The following TULP4 variants were observed in gnomAD, a reference collection of about 807,000 sequenced individuals.
TULP4 encodes tubby-related protein 4.
A neutral mutation model predicts 129.0 loss-of-function variants in TULP4; 16 were observed. That is an observed-to-expected ratio of 0.12 (90% CI 0.08 to 0.19). The LOEUF (loss-of-function observed/expected upper bound fraction) is 0.19, where lower values mean the gene tolerates loss of function less well. Among genes scored for constraint, TULP4 ranks in the 10% least tolerant of loss-of-function variants. The probability of loss-of-function intolerance (pLI) is 1.00; values close to 1 mark genes in which losing one functional copy is unlikely to be tolerated. For missense variants in TULP4, 1,842 were observed against 2,059.1 expected (o/e 0.89, Z 2.04); for synonymous variants, 998 against 854.0 (o/e 1.17, Z -2.94).
intron 10 of TULP4, among the ~76,000 whole-genome samples, chr6:158,494,124 A>G (rs1042688700): frequency 6.6e-6 from 1 of 152,134 alleles, no homozygotes; most frequent in African/African-American, 2.4e-5. Flanking sequence ...CCATGCTTCC[A>G]GATGGAACTC....
At chr6:158,290,089 A>G (rs557743247) in intron 1 of TULP4, among the ~76,000 whole-genome samples, 1 of 151,294 alleles carries the variant, frequency 6.6e-6, no homozygotes, top group East Asian at 2.0e-4. Flanking sequence ...GGCGCATGCC[A>G]CCATGCTGGC....
chr6:158,373,221 T>C lies in TULP4; in HGVS notation c.253-39844T>C, dbSNP rs563441181. Among the ~76,000 whole-genome samples the C allele has an allele frequency of 5.3e-5, 8 of 152,346 alleles. No individual in the cohort carries two copies. In the South Asian group the frequency reaches 8.3e-4, roughly 16 times the overall value. ...AGCTTATGCCCATGTAGCTCTTACA[T>C]GGCTACGTTCTAGGCACTTTACCTG... is the stretch of plus-strand genomic sequence containing the variant. On this transcript the variant is annotated intron_variant, in intron 1 of 13. Coordinates refer to ENST00000367097, the MANE Select transcript of TULP4 (RefSeq NM_020245.5).
chr6:158,294,385 A>G (rs1277930606), intron 1 of TULP4, among the ~76,000 whole-genome samples: 1 of 151,622 alleles, frequency 6.6e-6, no homozygotes, highest in African/African-American at 2.4e-5. Context: ...AAAAAAAAAA[A>G]TAAATAAAGC....
chr6:158,367,217 G>A (rs919992955), intron 1 of TULP4, among the ~76,000 whole-genome samples: 4 of 152,158 alleles, frequency 2.6e-5, no homozygotes, highest in African/African-American at 9.7e-5. Flanking sequence ...AGCTTCTTGG[G>A]CACTGAGGAC....
At chr6:158,456,485 A>G (rs1400041100) in intron 5 of TULP4, among the ~76,000 whole-genome samples, 1 of 118,668 alleles carries the variant, frequency 8.4e-6, no homozygotes, top group Non-Finnish European at 1.7e-5. Flanking sequence ...AGTGTGGCCC[A>G]AGGAAGCCAA....
chr6:158,353,027 A>G (rs1013331941), intron 1 of TULP4, among the ~76,000 whole-genome samples: 2 of 152,240 alleles, frequency 1.3e-5, no homozygotes, highest in African/African-American at 2.4e-5. Flanking sequence ...GCAAGCCTGC[A>G]GAGAGCAGGC....
Position 158,486,738 on chromosome 6 carries a change from T to C in TULP4, c.1487-2850T>C, listed in dbSNP as rs527705297. Among the ~76,000 whole-genome samples, 8 of 152,290 alleles carry C rather than the reference T, an allele frequency of 5.3e-5. No homozygotes were observed. In the East Asian group the frequency reaches 1.5e-3, roughly 29 times the overall value. ...GCCACCCAAGTCTGTGGTATTTTGT[T>C]ATCGTAGCCTGAGCAGATTTAGAGT... On this transcript the variant is annotated intron_variant, in intron 8 of 13. Transcript: ENST00000367097.
upstream of TULP4, among the ~76,000 whole-genome samples, chr6:158,278,941 GTTTT>G (rs35915892): frequency 1.5e-4 from 18 of 123,386 alleles, no homozygotes; most frequent in East Asian, 8.8e-4. Context: ...GTTTTTTTTT[GTTTT>G]TTTTTTTTTT....
chr6:158,309,013 C>T (rs1160165579), upstream of TULP4, among the ~76,000 whole-genome samples: 6 of 146,300 alleles, frequency 4.1e-5, no homozygotes, highest in South Asian at 2.3e-4. Flanking sequence ...CCGGACAGGG[C>T]GGCTGGCCTG....
chr6:158,268,610 TTACA>T (rs1219833157), intron 1 of TULP4, among the ~76,000 whole-genome samples: 2 of 152,164 alleles, frequency 1.3e-5, no homozygotes, highest in Non-Finnish European at 2.9e-5. Flanking sequence ...CGTAATGCTA[TTACA>T]TTTGGTATTA....
At chr6:158,289,620 G>C (rs1296360877) in intron 1 of TULP4, among the ~76,000 whole-genome samples, 1 of 152,022 alleles carries the variant, frequency 6.6e-6, no homozygotes, top group African/African-American at 2.4e-5. Flanking sequence ...TCATTTTGTG[G>C]TCCAGGCTGG....
intron 1 of TULP4, among the ~76,000 whole-genome samples, chr6:158,328,394 T>C (rs1460374084): frequency 6.6e-6 from 1 of 152,114 alleles, no homozygotes; most frequent in Non-Finnish European, 1.5e-5. Flanking sequence ...GAAATTGAAC[T>C]CAGGAACCTT....
chr6:158,382,918 A>G (rs910494651), intron 1 of TULP4, among the ~76,000 whole-genome samples: 4 of 152,242 alleles, frequency 2.6e-5, no homozygotes, highest in African/African-American at 9.6e-5. Context: ...GTCAAATATC[A>G]TAATAAATGC....
intron 1 of TULP4, among the ~76,000 whole-genome samples, chr6:158,408,013 T>C (rs1583844066): frequency 6.6e-6 from 1 of 152,220 alleles, no homozygotes; most frequent in East Asian, 1.9e-4. Flanking sequence ...CAACCCCTTA[T>C]CATTTGAATC....
chr6:158,377,814 A>T (rs1777228009), intron 1 of TULP4, among the ~76,000 whole-genome samples: 1 of 152,228 alleles, frequency 6.6e-6, no homozygotes. Flanking sequence ...CACTGAGTTA[A>T]ATTTTATAAT....
intron 6 of TULP4, among the ~76,000 whole-genome samples, chr6:158,473,239 A>G (rs571927658): frequency 2.0e-5 from 3 of 152,304 alleles, no homozygotes; most frequent in South Asian, 4.1e-4. Context: ...GCATTCTTTC[A>G]CTTAGGATTA....
intron 1 of TULP4, among the ~76,000 whole-genome samples, chr6:158,303,482 CTACT>C (rs1779163034): frequency 6.6e-6 from 1 of 152,092 alleles, no homozygotes; most frequent in South Asian, 2.1e-4. Flanking sequence ...AAAAGCGTAA[CTACT>C]AATAAGGGTC....
intron 1 of TULP4, among the ~76,000 whole-genome samples, chr6:158,298,600 A>G (rs1779079363): frequency 6.6e-6 from 1 of 152,182 alleles, no homozygotes; most frequent in African/African-American, 2.4e-5. Context: ...AACCAACATT[A>G]TACTTTTCCT....
At chr6:158,334,293 G>T (rs559268525) in intron 1 of TULP4, among the ~76,000 whole-genome samples, 1 of 152,310 alleles carries the variant, frequency 6.6e-6, no homozygotes, top group Non-Finnish European at 1.5e-5. Context: ...GTCTGCAGCT[G>T]GGGTGGCTGC....
Sources: gnomAD v4.1 joint callset for allele counts (sites outside exome capture counted in the v4.1 genomes callset) on GRCh38, gnomAD v4.1.1 for gene constraint, MANE v1.5 for transcripts, NCBI Gene and HGNC (gene_info 2026-07-23, HGNC 2026-07-21) for gene names.